TRIM43B: variants seen among roughly 807,000 people sequenced by gnomAD.
TRIM43B encodes the protein tripartite motif containing 43B.
A neutral mutation model predicts 27.0 loss-of-function variants in TRIM43B; 15 were observed. The ratio of observed to expected loss-of-function variants is 0.55; its 90% confidence interval spans 0.37 to 0.85. TRIM43B has a LOEUF of 0.85. TRIM43B is among the 40% of genes least tolerant of loss of function. The pLI, the probability that TRIM43B is intolerant of heterozygous loss-of-function variation, is 0.00. For missense variants in TRIM43B, 172 were observed against 289.8 expected (o/e 0.59, Z 2.95); for synonymous variants, 69 against 97.8 (o/e 0.71, Z 1.74).
intron 4 of TRIM43B, among the ~76,000 whole-genome samples, 165 bp downstream of exon 4, chr2:95,480,138 ATT>A (rs1348668176): frequency 1.3e-5 from 2 of 149,576 alleles, no homozygotes; most frequent in Non-Finnish European, 3.0e-5. Flanking sequence ...ATAAAGCTTT[ATT>A]TCCATGATTA....
At chr2:95,483,403 G>A (rs575079068) in intron 1 of TRIM43B, among the ~76,000 whole-genome samples, 4 of 151,984 alleles carry the variant, frequency 2.6e-5, no homozygotes, top group Admixed American at 6.6e-5. Context: ...GGGATATACT[G>A]GTTAATATTA....
chr2:95,483,832 C>CAAAAA (rs1683584719), intron 1 of TRIM43B, among the ~76,000 whole-genome samples: 1 of 151,550 alleles, frequency 6.6e-6, no homozygotes, highest in Non-Finnish European at 1.5e-5. Flanking sequence ...TGTCTCCCCC[C>CAAAAA]CAAAACAAAA....
exon 3 of TRIM43B, chr2:95,481,621 C>T: frequency 5.6e-6 from 9 of 1,612,578 alleles, no homozygotes; most frequent in Non-Finnish European, 7.6e-6. Flanking sequence ...GTTCTTCTCT[C>T]CTCATATAGA....
At chr2:95,480,442 G>A in exon 4 of TRIM43B, 1 of 1,605,510 alleles carries the variant, frequency 6.2e-7, no homozygotes, top group Non-Finnish European at 8.5e-7. Flanking sequence ...TCCTTGTTCA[G>A]TCTCTCTAAA....
intron 1 of TRIM43B, among the ~76,000 whole-genome samples, chr2:95,483,058 G>C (rs1196993588): frequency 6.6e-6 from 1 of 152,014 alleles, no homozygotes; most frequent in Non-Finnish European, 1.5e-5. Context: ...AGTCTTGAAC[G>C]GTCTGAAAAT....
At chr2:95,484,305 G>A (rs1683601506) in intron 1 of TRIM43B, among the ~76,000 whole-genome samples, 1 of 152,020 alleles carries the variant, frequency 6.6e-6, no homozygotes. Flanking sequence ...CTGGAAGGCG[G>A]AGGTTGCAGT....
At chr2:95,480,455 T>C (rs773015857) in exon 4 of TRIM43B, 1 of 1,602,644 alleles carries the variant, frequency 6.2e-7, no homozygotes, top group Non-Finnish European at 8.5e-7. Context: ...TCTCTAAATG[T>C]TGTTTTTCTT....
At chr2:95,483,609 C>T (rs1456266237) in intron 1 of TRIM43B, among the ~76,000 whole-genome samples, 3 of 150,918 alleles carry the variant, frequency 2.0e-5, no homozygotes, top group South Asian at 4.2e-4. Flanking sequence ...TGGCAGATCA[C>T]GATGTCACGA....
intron 1 of TRIM43B, among the ~76,000 whole-genome samples, chr2:95,484,035 A>G (rs1165942287): frequency 6.7e-6 from 1 of 148,832 alleles, no homozygotes; most frequent in African/African-American, 2.5e-5. Context: ...AAATGTCTAG[A>G]TCATCCTGTC....
intron 2 of TRIM43B, among the ~76,000 whole-genome samples, 175 bp from the exon 3 acceptor site, chr2:95,481,865 G>C (rs977029684): frequency 5.9e-5 from 9 of 151,972 alleles, no homozygotes; most frequent in Non-Finnish European, 1.2e-4. Context: ...TCAGAATGTA[G>C]AACAGTTTAG....
intron 2 of TRIM43B, among the ~76,000 whole-genome samples, chr2:95,482,041 A>C (rs1391585204): frequency 2.6e-5 from 4 of 151,290 alleles, no homozygotes; most frequent in Non-Finnish European, 5.9e-5. Context: ...TTGCACTGGT[A>C]GTTTTGGTAG....
chr2:95,482,497 A>G, exon 2 of TRIM43B: 1 of 1,606,832 alleles, frequency 6.2e-7, no homozygotes, highest in Non-Finnish European at 8.5e-7. Flanking sequence ...AATGGTCACT[A>G]AATTCTTCAG....
exon 4 of TRIM43B, chr2:95,480,374 A>T: frequency 2.5e-6 from 4 of 1,609,452 alleles, no homozygotes; most frequent in Non-Finnish European, 3.4e-6. Context: ...TCAAGTGTTT[A>T]CTCTTTTGAT....
chr2:95,483,024 A>G (rs1388061579), intron 1 of TRIM43B, among the ~76,000 whole-genome samples: 1 of 152,132 alleles, frequency 6.6e-6, no homozygotes, highest in Non-Finnish European at 1.5e-5. Context: ...CAAGGGTTTC[A>G]TCAACCTGTA....
intron 3 of TRIM43B, 111 bp downstream of exon 3, chr2:95,481,484 A>T: frequency 1.2e-6 from 1 of 838,580 alleles, no homozygotes; most frequent in South Asian, 2.2e-5. Flanking sequence ...GCCTATGAAT[A>T]AACACATGAC....
chr2:95,483,856 C>T (rs1056090617), intron 1 of TRIM43B, among the ~76,000 whole-genome samples: 1 of 151,648 alleles, frequency 6.6e-6, no homozygotes, highest in African/African-American at 2.4e-5. Context: ...AAAACAAAAA[C>T]GAGGCACTAG....
rs180777622 is a variant in TRIM43B at position 95,480,578 on chromosome 2, T to G, written c.508-43A>C. 2,291 of 1,601,044 alleles carry G rather than the reference T, an allele frequency of 1.4e-3. 5 individuals carry two copies. The highest frequency in any genetic ancestry group is 1.8e-3 in the Non-Finnish European group (2,090 of 1,174,626). On this transcript the variant is annotated intron_variant, in intron 3 of 6. Transcript: ENST00000639673. ...TTGTAGGTTATATACCCAGGCCTAC[T>G]TCCACCTCACAGAGCCCACAACTTC...
At chr2:95,483,083 A>G (rs1299531163) in intron 1 of TRIM43B, among the ~76,000 whole-genome samples, 1 of 152,144 alleles carries the variant, frequency 6.6e-6, no homozygotes, top group African/African-American at 2.4e-5. Context: ...AACAGTCTTC[A>G]TTGCCAGTGA....
At chr2:95,483,942 C>T (rs963631925) in intron 1 of TRIM43B, among the ~76,000 whole-genome samples, 1 of 151,760 alleles carries the variant, frequency 6.6e-6, no homozygotes, top group Non-Finnish European at 1.5e-5. Context: ...GGGAAGGTGA[C>T]TCAAGCCTGT....
Sources: gnomAD v4.1 joint callset for allele counts (sites outside exome capture counted in the v4.1 genomes callset) on GRCh38, gnomAD v4.1.1 for gene constraint, MANE v1.5 for transcripts, NCBI Gene and HGNC (gene_info 2026-07-23, HGNC 2026-07-21) for gene names.